FSHR: variants seen among roughly 807,000 people sequenced by gnomAD.
FSHR encodes follicle stimulating hormone receptor, also known as follicle-stimulating hormone receptor.
In FSHR, 46 loss-of-function variants were observed where a neutral mutation model predicts 52.1. The ratio of observed to expected loss-of-function variants is 0.88; its 90% CI spans 0.70 to 1.13. FSHR has a LOEUF of 1.13. Ranked by LOEUF, FSHR falls within the 50% of genes most tolerant of loss-of-function variation. FSHR has a pLI of 0.00. For missense variants in FSHR, 964 were observed against 834.6 expected, an observed-to-expected ratio of 1.16 and a Z score of -1.91; for synonymous variants, 399 against 309.6, an observed-to-expected ratio of 1.29 and a Z score of -3.03.
intron 1 of FSHR, among the ~76,000 whole-genome samples, chr2:49,134,487 C>A (rs1473989663): frequency 5.9e-5 from 9 of 152,160 alleles, no homozygotes; most frequent in Admixed American, 3.3e-4. Flanking sequence ...CTAGTTCAAC[C>A]ATTGTGGAAG....
chr2:48,981,869 A>G (rs536276190), intron 8 of FSHR, among the ~76,000 whole-genome samples: 1 of 152,262 alleles, frequency 6.6e-6, no homozygotes, highest in African/African-American at 2.4e-5. Context: ...CTGCCAAATA[A>G]GAGGTTCAGG....
intron 4 of FSHR, among the ~76,000 whole-genome samples, chr2:48,997,581 G>T (rs1676077963): frequency 6.6e-6 from 1 of 152,048 alleles, no homozygotes; most frequent in South Asian, 2.1e-4. Context: ...TGTAGCCTTA[G>T]GGGTTAGTTG....
intron 1 of FSHR, among the ~76,000 whole-genome samples, chr2:49,113,452 T>C (rs553438252): frequency 4.5e-4 from 68 of 152,302 alleles, no homozygotes; most frequent in African/African-American, 1.6e-3. Flanking sequence ...AGCCACATAC[T>C]CACCTTATGT....
chr2:48,977,995 T>C (rs189351402), intron 8 of FSHR, among the ~76,000 whole-genome samples: 1 of 152,292 alleles, frequency 6.6e-6, no homozygotes, highest in Admixed American at 6.5e-5. Context: ...TATATTCAGA[T>C]AGTGAGTAGT....
chr2:49,086,214 T>C (rs140831967), intron 1 of FSHR, among the ~76,000 whole-genome samples: 78 of 152,286 alleles, frequency 5.1e-4, no homozygotes, highest in African/African-American at 1.8e-3. Context: ...GCCCAAGATA[T>C]GCTTTTATTT....
chr2:49,137,957 T>C (rs888085586), intron 1 of FSHR, among the ~76,000 whole-genome samples: 1 of 152,108 alleles, frequency 6.6e-6, no homozygotes, highest in African/African-American at 2.4e-5. Flanking sequence ...TTGAATGTTA[T>C]CAAAATTTAA....
At chr2:49,095,436 A>G (rs926419839) in intron 1 of FSHR, among the ~76,000 whole-genome samples, 4 of 152,168 alleles carry the variant, frequency 2.6e-5, no homozygotes, top group Non-Finnish European at 4.4e-5. Flanking sequence ...CAGAAGAAGG[A>G]AATTGAATCC....
At chr2:49,046,004 G>C (rs1668641019) in intron 2 of FSHR, among the ~76,000 whole-genome samples, 1 of 152,140 alleles carries the variant, frequency 6.6e-6, no homozygotes, top group African/African-American at 2.4e-5. Flanking sequence ...AAGTGCACAG[G>C]ATGTGGTGTC....
intron 2 of FSHR, among the ~76,000 whole-genome samples, chr2:49,034,547 G>A (rs1219964401): frequency 6.6e-6 from 1 of 152,174 alleles, no homozygotes; most frequent in Non-Finnish European, 1.5e-5. Context: ...TGTAAAGTGA[G>A]TAAAAAACTG....
At chr2:49,021,831 T>TTC (rs1553334822) in intron 2 of FSHR, among the ~76,000 whole-genome samples, 581 of 46,200 alleles carry the variant, frequency 0.013, 13 homozygotes, top group African/African-American at 0.031. Context: ...GGGTATGTGT[T>TTC]TCTCTCTCTC....
At chr2:49,080,183 AAGGAAAAT>A (rs1670115071) in intron 1 of FSHR, among the ~76,000 whole-genome samples, 1 of 152,192 alleles carries the variant, frequency 6.6e-6, no homozygotes, top group African/African-American at 2.4e-5. Context: ...TGAACATTGA[AAGGAAAAT>A]CCCACAGTAT....
chr2:49,030,048 A>C (rs965672136), intron 2 of FSHR, among the ~76,000 whole-genome samples: 1 of 152,120 alleles, frequency 6.6e-6, no homozygotes, highest in East Asian at 1.9e-4. Flanking sequence ...CGGCAGACCT[A>C]TCAGGGAGTA....
intron 4 of FSHR, among the ~76,000 whole-genome samples, chr2:48,995,154 A>C (rs1675966983): frequency 6.6e-6 from 1 of 152,048 alleles, no homozygotes; most frequent in Non-Finnish European, 1.5e-5. Flanking sequence ...CTTGTGTTGC[A>C]CTGGTCTATG....
intron 2 of FSHR, among the ~76,000 whole-genome samples, chr2:49,027,785 G>A (rs1667959413): frequency 6.6e-6 from 1 of 150,990 alleles, no homozygotes; most frequent in Admixed American, 6.6e-5. Context: ...AGGAGGCGGA[G>A]GTTGCAGTGA....
chr2:49,012,885 C>G (rs1667322434), intron 4 of FSHR, among the ~76,000 whole-genome samples: 1 of 152,132 alleles, frequency 6.6e-6, no homozygotes. Flanking sequence ...ATGGACTGAA[C>G]TGTGTCCTCT....
intron 1 of FSHR, among the ~76,000 whole-genome samples, chr2:49,107,824 G>A (rs1300747550): frequency 2.0e-5 from 3 of 152,098 alleles, no homozygotes; most frequent in Admixed American, 6.6e-5. Context: ...ATGAAGTTTG[G>A]ACAAAGTATT....
chr2:49,095,438 A>T (rs959134007), intron 1 of FSHR, among the ~76,000 whole-genome samples: 1 of 152,172 alleles, frequency 6.6e-6, no homozygotes, highest in East Asian at 1.9e-4. Context: ...GAAGAAGGAA[A>T]TTGAATCCCT....
intron 2 of FSHR, among the ~76,000 whole-genome samples, chr2:49,044,287 G>T (rs1227419982): frequency 6.6e-6 from 1 of 152,126 alleles, no homozygotes; most frequent in African/African-American, 2.4e-5. Context: ...CGGTTGGTGA[G>T]GAGCACCTAT....
chr2:49,087,514 G>T, intron 1 of FSHR, among the ~76,000 whole-genome samples: 1 of 152,262 alleles, frequency 6.6e-6, no homozygotes, highest in Admixed American at 6.5e-5. Flanking sequence ...CGAAGTATCT[G>T]CCCTAATTAG....
Sources: allele counts gnomAD v4.1 joint callset (sites outside exome capture counted in the v4.1 genomes callset), GRCh38; gene constraint gnomAD v4.1.1; transcripts MANE v1.5; gene names NCBI Gene and HGNC (gene_info 2026-07-23, HGNC 2026-07-21).